RNF144A: variants seen among roughly 807,000 people sequenced by gnomAD.
The protein encoded by RNF144A is E3 ubiquitin-protein ligase RNF144A.
In RNF144A, 11 loss-of-function variants were observed where a neutral mutation model predicts 38.7. The observed-to-expected ratio is 0.28, with a 90% confidence interval of 0.18 to 0.47. The LOEUF is 0.47. Ranked by LOEUF, RNF144A falls within the 20% of genes least tolerant of loss-of-function variation. The pLI is 0.99. For synonymous variants in RNF144A, 149 were observed against 143.9 expected (o/e 1.04, Z -0.25); for missense variants, 316 against 377.2 (o/e 0.84, Z 1.34).
intron 2 of RNF144A, among the ~76,000 whole-genome samples, chr2:6,965,164 C>G (rs923781052): frequency 6.6e-6 from 1 of 152,174 alleles, no homozygotes; most frequent in Non-Finnish European, 1.5e-5. Context: ...GCTGGCAGGC[C>G]TGTTGTGAGG....
At chr2:6,927,178 C>G (rs1558355386) in intron 1 of RNF144A, among the ~76,000 whole-genome samples, 1 of 152,180 alleles carries the variant, frequency 6.6e-6, no homozygotes. Flanking sequence ...ATTTGTGTAG[C>G]CTTCACTCTA....
downstream of RNF144A, among the ~76,000 whole-genome samples, chr2:7,070,025 G>A (rs1410991249): frequency 6.6e-6 from 1 of 152,200 alleles, no homozygotes; most frequent in Non-Finnish European, 1.5e-5. Flanking sequence ...GGATGAGAAG[G>A]TTCACAGTGT....
At chr2:7,017,985 C>T (rs1671250417) in intron 5 of RNF144A, among the ~76,000 whole-genome samples, 1 of 152,196 alleles carries the variant, frequency 6.6e-6, no homozygotes, top group Admixed American at 6.5e-5. Context: ...GAAACCTTAG[C>T]CAGGTCTCCC....
In RNF144A at chr2:7,043,050, T is replaced by A. The variant is rs887938348; in HGVS notation, c.*3290T>A. ...ACCCAGCTAATTTTTGTATTTTCAG[T>A]AGAGACGGGGTTTCACCATGTTGGC... On this transcript the variant is annotated 3_prime_UTR_variant, in exon 9 of 9. Coordinates refer to ENST00000320892, the MANE Select transcript of RNF144A (RefSeq NM_014746.6). 5.9e-6 allele frequency: 3 copies of A among 507,788 alleles called. No individual in the cohort carries two copies. Among genetic ancestry groups the A allele is most frequent in the Non-Finnish European group, 7.6e-6 (3 of 393,848 alleles). 31.5% of individuals were successfully genotyped at this position (507,788 alleles called of 1,614,324 possible).
At chr2:7,004,925 G>A (rs1280982141) in intron 3 of RNF144A, among the ~76,000 whole-genome samples, 2 of 152,168 alleles carry the variant, frequency 1.3e-5, no homozygotes, top group Non-Finnish European at 2.9e-5. Context: ...AAAAAATGTT[G>A]ATGCTCACAC....
chr2:6,984,146 A>G (rs1046831350), intron 2 of RNF144A, among the ~76,000 whole-genome samples: 1 of 152,228 alleles, frequency 6.6e-6, no homozygotes, highest in African/African-American at 2.4e-5. Context: ...CTGAGCCCGC[A>G]TAGTTCACAA....
chr2:7,046,526 C>T (rs1673313434), downstream of RNF144A, among the ~76,000 whole-genome samples: 1 of 152,186 alleles, frequency 6.6e-6, no homozygotes, highest in African/African-American at 2.4e-5. Flanking sequence ...GAGGAAATGA[C>T]AAGTAAAACA....
At chr2:7,033,098 C>T (rs1407678016) in intron 8 of RNF144A, among the ~76,000 whole-genome samples, 1 of 152,256 alleles carries the variant, frequency 6.6e-6, no homozygotes, top group East Asian at 1.9e-4. Flanking sequence ...AGGTGAGTTC[C>T]AGGTGAGAGC....
chr2:6,922,084 C>G lies in RNF144A; in HGVS notation c.-212+4462C>G, dbSNP rs1664572481. On this transcript the variant is annotated intron_variant, in intron 1 of 8. Coordinates refer to ENST00000320892, the MANE Select transcript of RNF144A (RefSeq NM_014746.6). ...ACTGTTTTGTTTTGGAGCGTCTTTC[C>G]CTATCTGTGTTCCCTCCATTTCCTT... 3.3e-5 allele frequency among the ~76,000 whole-genome samples: 5 copies of G among 152,280 alleles called. No homozygotes were observed. In the South Asian group the frequency reaches 1.0e-3, roughly 32 times the overall value.
At position 6,943,044 on chromosome 2, in the gene RNF144A, G is replaced by A. The variant is rs1666116455; in HGVS notation, c.-12+1897G>A. On this transcript the variant is annotated intron_variant, in intron 2 of 8. Coordinates refer to ENST00000320892, the MANE Select transcript of RNF144A (RefSeq NM_014746.6). The surrounding 1 kb of genome is among the most constrained non-coding windows in gnomAD (Gnocchi z 4.3). ...CTTGCTGAGTGTGAGAAGATTATAA[G>A]CCACCCACATGGAGACACCGAGTGG... Among the ~76,000 whole-genome samples, 1 of 152,160 alleles carries A rather than the reference G, an allele frequency of 6.6e-6. No homozygotes were observed. The highest frequency in any genetic ancestry group is 1.5e-5 in the Non-Finnish European group (1 of 68,032).
chr2:6,946,749 G>A (rs915580141), intron 2 of RNF144A, among the ~76,000 whole-genome samples: 15 of 151,736 alleles, frequency 9.9e-5, no homozygotes, highest in African/African-American at 2.7e-4. Context: ...TTTCAAGCTC[G>A]TTCTTGAGTA....
At chr2:6,953,685 G>A (rs549178191) in intron 2 of RNF144A, among the ~76,000 whole-genome samples, 3 of 152,240 alleles carry the variant, frequency 2.0e-5, no homozygotes, top group African/African-American at 7.2e-5. Flanking sequence ...CAGCTTTTGT[G>A]AATGTTCTGT....
intron 6 of RNF144A, among the ~76,000 whole-genome samples, chr2:7,056,247 G>T (rs1244729308): frequency 6.6e-6 from 1 of 152,014 alleles, no homozygotes; most frequent in East Asian, 1.9e-4. Context: ...GGTCTCCTTC[G>T]AAGGTCTCTC....
At chr2:6,928,700 C>T (rs540078777) in intron 1 of RNF144A, among the ~76,000 whole-genome samples, 53 of 152,250 alleles carry the variant, frequency 3.5e-4, no homozygotes, top group Admixed American at 7.2e-4. Context: ...GATTTTTTTC[C>T]GAGTCTTTGA....
rs1218156453 is a variant in RNF144A at position 6,996,974 on chromosome 2, G to A, written c.48G>A (p.Pro16=). Residue 16 remains proline (P), a synonymous_variant, in exon 3 of 9, where the codon CCG becomes CCA. Transcript: ENST00000320892. ...CCACCTGGGACCTGGCCCTCGACCC[G>A]CTGGTGTCTTGCAAGCTCTGTCTTG... ...YRPTWDLALD[P]LVSCKLCLGE... 1 of 1,614,038 alleles carries A rather than the reference G, an allele frequency of 6.2e-7. No individual in the cohort carries two copies. Among genetic ancestry groups the A allele is most frequent in the Non-Finnish European group, 8.5e-7 (1 of 1,179,916 alleles).
intron 2 of RNF144A, among the ~76,000 whole-genome samples, chr2:6,950,261 A>G (rs1025014574): frequency 6.6e-6 from 1 of 152,148 alleles, no homozygotes; most frequent in African/African-American, 2.4e-5. Context: ...AGCGTTCTTT[A>G]TTGCTAAACC....
intron 3 of RNF144A, among the ~76,000 whole-genome samples, chr2:7,003,605 A>T (rs530907358): frequency 6.6e-6 from 1 of 152,366 alleles, no homozygotes; most frequent in East Asian, 1.9e-4. Context: ...TATGCCACCT[A>T]GGTATATGTT....
rs542730223 is a variant in RNF144A, at chr2:6,928,754, G to A, written c.-212+11132G>A. Among the ~76,000 whole-genome samples, 326 of 152,300 alleles carry A rather than the reference G, an allele frequency of 2.1e-3. 2 individuals are homozygous for A. The highest frequency in any genetic ancestry group is 7.3e-3 in the African/African-American group (305 of 41,552). On this transcript the variant is annotated intron_variant, in intron 1 of 8. Transcript: ENST00000320892. ...GCCTTTTCTCCACGGCTGGCTCCAA[G>A]GCCTCCTATCACCTGACACCCTCTG... is the stretch of plus-strand genomic sequence containing the variant.
chr2:7,001,582 C>G (rs1476609860), intron 3 of RNF144A, among the ~76,000 whole-genome samples: 2 of 152,164 alleles, frequency 1.3e-5, no homozygotes, highest in East Asian at 1.9e-4. Flanking sequence ...GAAGCTGAAG[C>G]AGGAAGACTG....
Sources: allele counts gnomAD v4.1 joint callset (sites outside exome capture counted in the v4.1 genomes callset), GRCh38; gene constraint gnomAD v4.1.1; non-coding constraint Gnocchi (gnomAD v3.1); transcripts MANE v1.5; gene names NCBI Gene and HGNC (gene_info 2026-07-23, HGNC 2026-07-21).